Variants in DHX29 observed in about 807,000 individuals in gnomAD.
DHX29 encodes ATP-dependent RNA helicase DHX29.
DHX29 carries 79 observed loss-of-function variants against 167.9 expected under a neutral mutation model. The observed-to-expected ratio is 0.47, with a 90% CI of 0.39 to 0.57. DHX29 has a LOEUF of 0.57. DHX29 is among the 20% of genes least tolerant of loss of function. DHX29 has a pLI of 0.00. For missense variants in DHX29, 1,347 were observed against 1,593.4 expected, an observed-to-expected ratio of 0.85 and a Z score of 2.63; for synonymous variants, 530 against 546.0, an observed-to-expected ratio of 0.97 and a Z score of 0.41.
chr5:55,256,541 CTGAG>C lies in DHX29; in HGVS notation c.4058-5_4058-2del. 1 of 1,586,004 alleles carries C rather than the reference CTGAG, an allele frequency of 6.3e-7. No individual in the cohort carries two copies. Among genetic ancestry groups the C allele is most frequent in the Non-Finnish European group, 8.5e-7 (1 of 1,171,258 alleles). On this transcript the variant is annotated splice_acceptor_variant and splice_polypyrimidine_tract_variant and intron_variant, in intron 26 of 26. Coordinates refer to ENST00000251636, the MANE Select transcript of DHX29 (RefSeq NM_019030.4). LOFTEE classifies it high-confidence loss of function. ...GTAATGATCTGCAGAATCTTGTCAT[CTGAG>C]TGGAAGGAAAAAAAAAAGCCACGAA...
intron 1 of DHX29, among the ~76,000 whole-genome samples, chr5:55,303,414 G>A (rs1198371493): frequency 6.6e-6 from 1 of 152,194 alleles, no homozygotes; most frequent in African/African-American, 2.4e-5. Flanking sequence ...ATACTCAGAT[G>A]AGTAATAAAG....
At chr5:55,269,939 A>G (rs1746769892) in intron 20 of DHX29, among the ~76,000 whole-genome samples, 1 of 152,126 alleles carries the variant, frequency 6.6e-6, no homozygotes, top group South Asian at 2.1e-4. Flanking sequence ...GAAGGATATT[A>G]TAGATCTTTC....
At chr5:55,307,361 G>A (rs1458955952) in intron 1 of DHX29, 26 bp downstream of exon 1, 1 of 1,601,402 alleles carries the variant, frequency 6.2e-7, no homozygotes, top group East Asian at 2.2e-5. Flanking sequence ...AGGGCAGACA[G>A]CCAGGGGCTG....
chr5:55,294,367 AAGG>A (rs1438845086), intron 5 of DHX29, among the ~76,000 whole-genome samples: 1 of 152,196 alleles, frequency 6.6e-6, no homozygotes, highest in Non-Finnish European at 1.5e-5. Flanking sequence ...AAAAGAATGA[AAGG>A]AGAACTGTTA....
At chr5:55,270,731 T>G in intron 18 of DHX29, 25 bp from the exon 19 acceptor site, 2 of 1,588,688 alleles carry the variant, frequency 1.3e-6, no homozygotes, top group Non-Finnish European at 1.7e-6. Context: ...TAGGAGAGAA[T>G]ATGTAGATAA....
chr5:55,286,749 C>T (rs1023973652), intron 8 of DHX29, among the ~76,000 whole-genome samples: 6 of 152,368 alleles, frequency 3.9e-5, no homozygotes, highest in Admixed American at 2.0e-4. Context: ...TTCTTAGTTA[C>T]ATTTCAAATG....
chr5:55,273,942 C>A (rs1219316399), intron 16 of DHX29, among the ~76,000 whole-genome samples: 1 of 151,960 alleles, frequency 6.6e-6, no homozygotes, highest in East Asian at 1.9e-4. Context: ...TAAAAATTAG[C>A]TGGGCGTGGT....
At chr5:55,271,864 G>A (rs1746868209) in intron 18 of DHX29, among the ~76,000 whole-genome samples, 1 of 152,104 alleles carries the variant, frequency 6.6e-6, no homozygotes, top group African/African-American at 2.4e-5. Flanking sequence ...TCTAAAAGTA[G>A]CAGTATACTG....
At chr5:55,292,600 G>A (rs1748107034) in intron 6 of DHX29, among the ~76,000 whole-genome samples, 1 of 152,100 alleles carries the variant, frequency 6.6e-6, no homozygotes, top group African/African-American at 2.4e-5. Flanking sequence ...TTACTGTCAA[G>A]GAAAAGTGTC....
At chr5:55,307,022 AC>A (rs1287204671) in intron 1 of DHX29, among the ~76,000 whole-genome samples, 1 of 152,200 alleles carries the variant, frequency 6.6e-6, no homozygotes, top group Non-Finnish European at 1.5e-5. Flanking sequence ...GCTGGCTGGC[AC>A]CAGGAGGTCA....
chr5:55,269,230 C>T lies in DHX29; in HGVS notation c.3294+183G>A, dbSNP rs567367273. ...TTGCTCCCCAGCCTGGGCAACAGTG[C>T]CAGACCCTGTCTCAAAAAAAAAAAA... On this transcript the variant is annotated intron_variant, in intron 21 of 26. Transcript: ENST00000251636. Among the ~76,000 whole-genome samples the T allele has an allele frequency of 3.2e-3, 460 of 143,176 alleles. 1 individual carries two copies. The highest frequency in any genetic ancestry group is 5.9e-3 in the Non-Finnish European group (391 of 66,604). The allele number at this position is 143,176 out of a possible 152,430, so 93.9% of individuals were successfully genotyped here. A position where few individuals can be genotyped will look rare whatever the true frequency, so the allele number is the denominator to read the frequency against.
intron 10 of DHX29, among the ~76,000 whole-genome samples, chr5:55,284,106 CCTTGGGCAATTCA>C (rs1747588813): frequency 1.3e-5 from 2 of 152,252 alleles, no homozygotes; most frequent in South Asian, 4.1e-4. Context: ...AGCTGTGTAA[CCTTGGGCAATTCA>C]CTTAATCTCT....
chr5:55,262,599 G>A (rs1746360910), intron 24 of DHX29, 31 bp downstream of exon 24: 1 of 1,607,260 alleles, frequency 6.2e-7, no homozygotes, highest in East Asian at 2.2e-5. Context: ...ATAATGCTCT[G>A]AATACTGGAA....
At chr5:55,306,150 A>G (rs1178518231) in intron 1 of DHX29, among the ~76,000 whole-genome samples, 1 of 152,212 alleles carries the variant, frequency 6.6e-6, no homozygotes, top group East Asian at 1.9e-4. Context: ...CTCTGTAGCT[A>G]ACACTACAAT....
At chr5:55,296,139 G>A in intron 4 of DHX29, 81 bp downstream of exon 4, 1 of 1,403,570 alleles carries the variant, frequency 7.1e-7, no homozygotes, top group Non-Finnish European at 9.5e-7. Flanking sequence ...AAAAATATGA[G>A]TATGAGCCAA....
intron 14 of DHX29, among the ~76,000 whole-genome samples, chr5:55,276,031 TAA>T (rs1747094417): frequency 6.6e-6 from 1 of 152,176 alleles, no homozygotes; most frequent in African/African-American, 2.4e-5. Context: ...TATGCGTACC[TAA>T]GATGGCCCAG....
chr5:55,306,621 CATCTT>C (rs1344070873), intron 1 of DHX29, among the ~76,000 whole-genome samples: 24 of 152,340 alleles, frequency 1.6e-4, no homozygotes, highest in African/African-American at 5.3e-4. Context: ...ACATTCCTCA[CATCTT>C]ATCAGACACA....
chr5:55,299,141 C>A (rs1380865768), intron 1 of DHX29, among the ~76,000 whole-genome samples: 9 of 151,852 alleles, frequency 5.9e-5, no homozygotes, highest in Non-Finnish European at 1.3e-4. Flanking sequence ...CTAGCAATAT[C>A]CTCTCTAAAT....
intron 5 of DHX29, 84 bp downstream of exon 5, chr5:55,295,295 A>G: frequency 9.5e-7 from 1 of 1,048,906 alleles, no homozygotes; most frequent in South Asian, 1.5e-5. Context: ...AATGTTATAG[A>G]AACCTAATAT....
Sources: allele counts gnomAD v4.1 joint callset (sites outside exome capture counted in the v4.1 genomes callset), GRCh38; gene constraint gnomAD v4.1.1; transcripts MANE v1.5; gene names NCBI Gene and HGNC (gene_info 2026-07-23, HGNC 2026-07-21).